Variants in SLC10A7 observed in about 807,000 individuals in gnomAD.
SLC10A7 encodes sodium/bile acid cotransporter 7.
In SLC10A7, 29 loss-of-function variants were observed where a neutral mutation model predicts 43.2. The ratio of observed to expected loss-of-function variants is 0.67; its 90% CI spans 0.50 to 0.92. The LOEUF is 0.92. Ranked by LOEUF, SLC10A7 falls within the 40% of genes least tolerant of loss-of-function variation. The pLI is 0.00. For missense variants in SLC10A7, 295 were observed against 403.2 expected, an observed-to-expected ratio of 0.73 and a Z score of 2.30; for synonymous variants, 152 against 144.8, an observed-to-expected ratio of 1.05 and a Z score of -0.35.
intron 10 of SLC10A7, among the ~76,000 whole-genome samples, chr4:146,274,838 T>C (rs994584264): frequency 2.0e-5 from 3 of 152,180 alleles, no homozygotes; most frequent in African/African-American, 7.2e-5. Context: ...TTTTGGCTGA[T>C]GATGGAATAT....
intron 4 of SLC10A7, among the ~76,000 whole-genome samples, chr4:146,483,956 C>A (rs549766387): frequency 9.5e-4 from 144 of 152,224 alleles, no homozygotes; most frequent in African/African-American, 3.4e-3. Flanking sequence ...ATGCACCTAA[C>A]AATGGAGCCT....
intron 2 of SLC10A7, among the ~76,000 whole-genome samples, chr4:146,512,729 T>C (rs1479988743): frequency 6.6e-6 from 1 of 152,220 alleles, no homozygotes; most frequent in Non-Finnish European, 1.5e-5. Flanking sequence ...AAACTACATA[T>C]ATCATTTGAC....
chr4:146,313,705 A>G (rs187439786), intron 6 of SLC10A7, among the ~76,000 whole-genome samples: 20 of 152,286 alleles, frequency 1.3e-4, no homozygotes, highest in African/African-American at 4.6e-4. Flanking sequence ...TTTCTATCAT[A>G]GACAGCAAAT....
intron 4 of SLC10A7, among the ~76,000 whole-genome samples, chr4:146,473,465 A>G (rs1427142166): frequency 6.6e-6 from 1 of 152,162 alleles, no homozygotes; most frequent in Non-Finnish European, 1.5e-5. Context: ...GAAAATTTCT[A>G]TTTACCACGT....
intron 5 of SLC10A7, among the ~76,000 whole-genome samples, chr4:146,397,240 GA>G (rs1281077248): frequency 2.0e-5 from 3 of 152,100 alleles, no homozygotes; most frequent in Non-Finnish European, 4.4e-5. Context: ...AGAACTAAAA[GA>G]TGGTTTACTG....
intron 5 of SLC10A7, among the ~76,000 whole-genome samples, chr4:146,341,442 T>C (rs1734255888): frequency 6.6e-6 from 1 of 151,826 alleles, no homozygotes; most frequent in Non-Finnish European, 1.5e-5. Context: ...ATTCTGTATT[T>C]TGAACTAACT....
chr4:146,435,120 G>A (rs1322318930), intron 5 of SLC10A7, among the ~76,000 whole-genome samples: 1 of 152,134 alleles, frequency 6.6e-6, no homozygotes, highest in East Asian at 1.9e-4. Context: ...GCAACATCCA[G>A]TAAATCTAGG....
At chr4:146,266,235 T>C (rs554039364) in intron 10 of SLC10A7, among the ~76,000 whole-genome samples, 1 of 152,332 alleles carries the variant, frequency 6.6e-6, no homozygotes, top group African/African-American at 2.4e-5. Context: ...TTGAATTCTA[T>C]TTCTTCCTCC....
At chr4:146,411,696 C>T (rs937965408) in intron 5 of SLC10A7, among the ~76,000 whole-genome samples, 2 of 151,922 alleles carry the variant, frequency 1.3e-5, no homozygotes, top group African/African-American at 2.4e-5. Context: ...CTTTCACATT[C>T]GTCTTTAGTG....
At chr4:146,375,917 T>C (rs1300475554) in intron 5 of SLC10A7, among the ~76,000 whole-genome samples, 2 of 152,140 alleles carry the variant, frequency 1.3e-5, no homozygotes. Flanking sequence ...AAGTCCTAGC[T>C]TGTGACCTAT....
intron 7 of SLC10A7, among the ~76,000 whole-genome samples, chr4:146,301,967 A>G (rs1050939906): frequency 1.3e-5 from 2 of 152,186 alleles, no homozygotes; most frequent in African/African-American, 4.8e-5. Context: ...ATACTTTACT[A>G]TTTACTACTG....
intron 5 of SLC10A7, among the ~76,000 whole-genome samples, chr4:146,340,657 A>C (rs766504410): frequency 6.6e-6 from 1 of 151,778 alleles, no homozygotes; most frequent in African/African-American, 2.4e-5. Context: ...ATATACAGCT[A>C]ATTTTCCTTA....
intron 5 of SLC10A7, among the ~76,000 whole-genome samples, chr4:146,350,259 G>C (rs1348819454): frequency 6.6e-6 from 1 of 151,694 alleles, no homozygotes; most frequent in Admixed American, 6.6e-5. Context: ...CTGAGTCAAA[G>C]AAAGGGGTGA....
intron 5 of SLC10A7, among the ~76,000 whole-genome samples, chr4:146,332,630 G>T (rs1733612944): frequency 6.6e-6 from 1 of 152,122 alleles, no homozygotes; most frequent in Non-Finnish European, 1.5e-5. Flanking sequence ...CCCAGAAGCA[G>T]AGGCCATTAT....
intron 9 of SLC10A7, among the ~76,000 whole-genome samples, chr4:146,286,396 T>C (rs1578787385): frequency 4.1e-5 from 6 of 146,548 alleles, no homozygotes; most frequent in East Asian, 4.2e-4. Flanking sequence ...AGGACTGTGT[T>C]TGGAGTGGTG....
chr4:146,278,657 C>T (rs60367087), intron 10 of SLC10A7, among the ~76,000 whole-genome samples: 173 of 152,138 alleles, frequency 1.1e-3, no homozygotes, highest in African/African-American at 3.7e-3. Flanking sequence ...ATTTCCTTTG[C>T]GCACATAATA....
At chr4:146,429,728 A>G (rs1257358562) in intron 5 of SLC10A7, among the ~76,000 whole-genome samples, 3 of 152,176 alleles carry the variant, frequency 2.0e-5, no homozygotes, top group African/African-American at 7.2e-5. Flanking sequence ...CTAAATAACC[A>G]TAAAAGGAAA....
rs1326803997 is a variant in SLC10A7 at position 146,410,390 on chromosome 4, A to G, written c.435+32393T>C. Reference sequence around the variant, plus strand: ...GCTCTACAGCTTTTAAAATGGTCCTATTAAATTAAAATGAGAATATAGCAC... The same window carrying G: ...GCTCTACAGCTTTTAAAATGGTCCTGTTAAATTAAAATGAGAATATAGCAC... On this transcript the variant is annotated intron_variant, in intron 5 of 11. Transcript: ENST00000335472. 2.6e-5 allele frequency among the ~76,000 whole-genome samples: 4 copies of G among 152,308 alleles called. No homozygotes were observed. The East Asian group carries it at 7.7e-4, about 29-fold the overall frequency.
At position 146,290,377 on chromosome 4, in the gene SLC10A7, A is replaced by G. The variant is rs532621519; in HGVS notation, c.773+2552T>C. Among the ~76,000 whole-genome samples the G allele has an allele frequency of 2.7e-3, 404 of 151,608 alleles. 1 individual carries two copies. The highest frequency in any genetic ancestry group is 9.2e-3 in the African/African-American group (380 of 41,322). ...CAGATATTCTCCAGGCAAGCCAGGA[A>G]TTTGAGAACAGAGAATGAGGCTATG... On this transcript the variant is annotated intron_variant, in intron 9 of 11. Transcript: ENST00000335472.
Sources: gnomAD v4.1 joint callset for allele counts (sites outside exome capture counted in the v4.1 genomes callset) on GRCh38, gnomAD v4.1.1 for gene constraint, MANE v1.5 for transcripts, NCBI Gene and HGNC (gene_info 2026-07-23, HGNC 2026-07-21) for gene names.